DACH1: variants seen among roughly 807,000 people sequenced by gnomAD.
The protein encoded by DACH1 is dachshund family transcription factor 1.
DACH1 carries 12 observed loss-of-function variants against 54.2 expected under a neutral mutation model. The ratio of observed to expected loss-of-function variants is 0.22; its 90% CI spans 0.14 to 0.36. The LOEUF (loss-of-function observed/expected upper bound fraction) is 0.36. DACH1 is among the 10% of genes least tolerant of loss of function. The probability of loss-of-function intolerance (pLI) is 1.00; values close to 1 mark genes in which losing one functional copy is unlikely to be tolerated. For missense variants in DACH1, 805 were observed against 929.8 expected (o/e 0.87, Z 1.75); for synonymous variants, 386 against 366.2 (o/e 1.05, Z -0.62).
chr13:71,669,034 GATAA>G (rs1322604231), intron 2 of DACH1, among the ~76,000 whole-genome samples: 1 of 152,184 alleles, frequency 6.6e-6, no homozygotes, highest in Non-Finnish European at 1.5e-5. Flanking sequence ...CAAATAGAGA[GATAA>G]ATAACTGGTA....
intron 1 of DACH1, among the ~76,000 whole-genome samples, chr13:71,844,985 G>A (rs1873126120): frequency 6.6e-6 from 1 of 152,136 alleles, no homozygotes; most frequent in African/African-American, 2.4e-5. Context: ...GGAAGAGGAA[G>A]AGATTTGTTA....
At chr13:71,732,400 C>T (rs763237587) in intron 1 of DACH1, among the ~76,000 whole-genome samples, 4 of 151,872 alleles carry the variant, frequency 2.6e-5, no homozygotes, top group Non-Finnish European at 1.5e-5. Flanking sequence ...GCCTGGCCAA[C>T]ATGGTGAAAC....
chr13:71,450,527 C>T (rs191660715), intron 10 of DACH1, among the ~76,000 whole-genome samples: 158 of 152,084 alleles, frequency 1.0e-3, no homozygotes, highest in African/African-American at 2.8e-3. Context: ...ATTGAAATTA[C>T]GTCAATTAAT....
At chr13:71,601,121 T>C (rs143280046) in intron 3 of DACH1, among the ~76,000 whole-genome samples, 1 of 152,156 alleles carries the variant, frequency 6.6e-6, no homozygotes, top group East Asian at 1.9e-4. Context: ...ACCAAATAAT[T>C]AATAGGCGAA....
At chr13:71,476,647 AG>A (rs1000825468) in intron 8 of DACH1, among the ~76,000 whole-genome samples, 4 of 152,140 alleles carry the variant, frequency 2.6e-5, no homozygotes, top group African/African-American at 9.7e-5. Flanking sequence ...TAATACAAAA[AG>A]TTGATTATGA....
intron 6 of DACH1, among the ~76,000 whole-genome samples, chr13:71,500,834 C>T (rs1467966842): frequency 1.3e-5 from 2 of 151,838 alleles, no homozygotes; most frequent in Non-Finnish European, 2.9e-5. Flanking sequence ...GGGAGTCATG[C>T]CCTACAAATC....
At chr13:71,852,364 CTTT>C (rs71748292) in intron 1 of DACH1, among the ~76,000 whole-genome samples, 11,857 of 145,340 alleles carry the variant, frequency 0.082, 1,257 homozygotes, top group East Asian at 0.56. Flanking sequence ...TAAAGTGCTG[CTTT>C]TTTTTTTTTT....
intron 6 of DACH1, among the ~76,000 whole-genome samples, chr13:71,538,660 A>G (rs1882951860): frequency 6.6e-6 from 1 of 152,068 alleles, no homozygotes; most frequent in East Asian, 1.9e-4. Flanking sequence ...ACAACAAACT[A>G]CCAGAGTTTC....
intron 10 of DACH1, among the ~76,000 whole-genome samples, chr13:71,444,777 A>G (rs1874300900): frequency 6.6e-6 from 1 of 152,244 alleles, no homozygotes; most frequent in Admixed American, 6.5e-5. Flanking sequence ...ACAAAGTGGT[A>G]CCTAAGCTGG....
chr13:71,713,822 TAA>T (rs1043039226), intron 1 of DACH1, among the ~76,000 whole-genome samples: 4 of 152,060 alleles, frequency 2.6e-5, no homozygotes, highest in African/African-American at 7.2e-5. Flanking sequence ...AGCAAAATTT[TAA>T]AAGAGAATGA....
intron 6 of DACH1, among the ~76,000 whole-genome samples, chr13:71,534,463 T>G (rs886595771): frequency 6.6e-6 from 1 of 151,890 alleles, no homozygotes; most frequent in African/African-American, 2.4e-5. Flanking sequence ...TAAACCATTA[T>G]GAAAAGTAAA....
intron 3 of DACH1, among the ~76,000 whole-genome samples, chr13:71,603,302 A>G (rs1874637550): frequency 6.6e-6 from 1 of 152,028 alleles, no homozygotes. Context: ...CATGCTGTGT[A>G]CAGACTAAAA....
At chr13:71,821,257 T>C (rs1354256550) in intron 1 of DACH1, among the ~76,000 whole-genome samples, 1 of 152,040 alleles carries the variant, frequency 6.6e-6, no homozygotes, top group East Asian at 1.9e-4. Context: ...TTTACTAGGG[T>C]TGAAAAATGA....
intron 2 of DACH1, among the ~76,000 whole-genome samples, chr13:71,657,522 T>C (rs1005411287): frequency 2.0e-5 from 3 of 151,316 alleles, no homozygotes; most frequent in Non-Finnish European, 2.9e-5. Flanking sequence ...AAGTTTATTT[T>C]TATTCTTTTA....
rs576871250 is a variant in DACH1 at position 71,460,013 on chromosome 13, T to C, written c.2083+15128A>G. Among the ~76,000 whole-genome samples the C allele has an allele frequency of 5.6e-4, 85 of 152,124 alleles. No homozygotes were observed. The South Asian group carries it at 0.017, about 30-fold the overall frequency. ...CTAGGCTATGAGAATTCACAGCCCTTCTATGTGCATTGTTGGGTTTAAATA... is the reference window on the plus strand; with the variant it reads ...CTAGGCTATGAGAATTCACAGCCCTCCTATGTGCATTGTTGGGTTTAAATA... On this transcript the variant is annotated intron_variant, in intron 10 of 10. Transcript: ENST00000613252.
At chr13:71,597,752 A>G (rs1445946151) in intron 3 of DACH1, among the ~76,000 whole-genome samples, 1 of 152,180 alleles carries the variant, frequency 6.6e-6, no homozygotes, top group Admixed American at 6.5e-5. Flanking sequence ...AGTAAAATAC[A>G]GCATCTTGTC....
intron 1 of DACH1, chr13:71,704,307 G>T: frequency 8.2e-6 from 3 of 365,530 alleles, no homozygotes; most frequent in African/African-American, 4.3e-5. Context: ...GACATCAAGA[G>T]AATGCGTACT....
At chr13:71,835,541 A>T (rs1334913039) in intron 1 of DACH1, among the ~76,000 whole-genome samples, 1 of 152,042 alleles carries the variant, frequency 6.6e-6, no homozygotes, top group Non-Finnish European at 1.5e-5. Context: ...CTTTTTAAAA[A>T]CTGCTCATCT....
chr13:71,445,704 A>G (rs182231043), intron 10 of DACH1, among the ~76,000 whole-genome samples: 60 of 152,312 alleles, frequency 3.9e-4, no homozygotes, highest in Middle Eastern at 3.4e-3. Flanking sequence ...ATTTATTAAA[A>G]CATACTTGCA....
Sources: gnomAD v4.1 joint callset for allele counts (sites outside exome capture counted in the v4.1 genomes callset) on GRCh38, gnomAD v4.1.1 for gene constraint, MANE v1.5 for transcripts, NCBI Gene and HGNC (gene_info 2026-07-23, HGNC 2026-07-21) for gene names.